The following CTNNA3 variants were observed in gnomAD, a reference collection of about 807,000 sequenced individuals.
The protein encoded by CTNNA3 is catenin alpha 3, also known as catenin alpha-3.
In CTNNA3, 76 loss-of-function variants were observed where a neutral mutation model predicts 95.7. The ratio of observed to expected loss-of-function variants is 0.79; its 90% CI spans 0.66 to 0.96. The LOEUF (loss-of-function observed/expected upper bound fraction) is 0.96, where lower values mean the gene tolerates loss of function less well. CTNNA3 is among the 40% of genes least tolerant of loss of function. The pLI, the probability that CTNNA3 is intolerant of heterozygous loss-of-function variation, is 0.00. For synonymous variants in CTNNA3, 431 were observed against 374.4 expected (o/e 1.15, Z -1.74); for missense variants, 1,191 against 1,089.8 (o/e 1.09, Z -1.31).
chr10:65,982,776 TA>T (rs1222768342), intron 16 of CTNNA3, among the ~76,000 whole-genome samples: 2 of 150,432 alleles, frequency 1.3e-5, no homozygotes, highest in South Asian at 2.1e-4. Flanking sequence ...AAAAAAAAAT[TA>T]AAAAATTTCT....
Position 67,521,090 on chromosome 10 carries a change from T to G in CTNNA3, c.579+752A>C, listed in dbSNP as rs182206726. Among the ~76,000 whole-genome samples the G allele has an allele frequency of 1.3e-3, 198 of 152,274 alleles. 1 individual carries two copies. Among genetic ancestry groups the G allele is most frequent in the African/African-American group, 4.4e-3 (182 of 41,566 alleles). On this transcript the variant is annotated intron_variant, in intron 5 of 17. Transcript: ENST00000433211. ...CTGGCTGTTCTGATCGGAATAAACC[T>G]TTGGTGGAAGTAAAAGCTTGACAAC...
intron 10 of CTNNA3, among the ~76,000 whole-genome samples, chr10:66,585,442 T>C (rs894962183): frequency 1.3e-5 from 2 of 151,974 alleles, no homozygotes; most frequent in Non-Finnish European, 2.9e-5. Flanking sequence ...AGCCTTGTTT[T>C]TGAGTTCTGA....
Position 67,202,558 on chromosome 10 carries a change from A to C in CTNNA3, c.843+17049T>G, listed in dbSNP as rs1047166122. Among the ~76,000 whole-genome samples, 3 of 152,262 alleles carry C rather than the reference A, an allele frequency of 2.0e-5. No individual in the cohort carries two copies. In the South Asian group the frequency reaches 6.2e-4, roughly 32 times the overall value. ...TTAAAGCTGGAATTCGCAAGACCAA[A>C]CTAATAAAAACTAATAAAAATTATG... On this transcript the variant is annotated intron_variant, in intron 6 of 17. Transcript: ENST00000433211.
At chr10:66,011,616 T>C (rs775657765) in intron 15 of CTNNA3, among the ~76,000 whole-genome samples, 3 of 152,182 alleles carry the variant, frequency 2.0e-5, no homozygotes, top group African/African-American at 4.8e-5. Flanking sequence ...GCATGCAAGA[T>C]TGTGCCTTGA....
At chr10:67,478,279 A>C (rs1030688444) in intron 5 of CTNNA3, among the ~76,000 whole-genome samples, 2 of 152,218 alleles carry the variant, frequency 1.3e-5, no homozygotes, top group Admixed American at 1.3e-4. Flanking sequence ...TACTTCAAGA[A>C]TATTTGCCTA....
intron 10 of CTNNA3, among the ~76,000 whole-genome samples, chr10:66,566,916 A>AAGAGAGGT (rs1170881823): frequency 1.3e-5 from 2 of 150,274 alleles, no homozygotes; most frequent in Non-Finnish European, 3.0e-5. Context: ...GGGAGAGAAA[A>AAGAGAGGT]AGAGAGGTGG....
rs192433177 is a variant in CTNNA3, at chr10:66,437,143, G to A, written c.1532-57791C>T. ...ACATTTTTTCCTTCATTTCAACCTT[G>A]GTGAATCTGACAATTATGTGTCTTG... is the stretch of plus-strand genomic sequence containing the variant. On this transcript the variant is annotated intron_variant, in intron 11 of 17. Coordinates refer to ENST00000433211, the MANE Select transcript of CTNNA3 (RefSeq NM_013266.4). Among the ~76,000 whole-genome samples the A allele has an allele frequency of 8.0e-4, 121 of 152,114 alleles. 1 individual carries two copies. The highest frequency in any genetic ancestry group is 2.5e-3 in the African/African-American group (103 of 41,492).
intron 10 of CTNNA3, among the ~76,000 whole-genome samples, chr10:66,598,155 C>CA (rs373299587): frequency 2.0e-5 from 3 of 151,162 alleles, no homozygotes; most frequent in Non-Finnish European, 4.4e-5. Context: ...AAATGAAGGA[C>CA]AAAAAAAATA....
At chr10:66,104,518 G>A (rs1051172654) in intron 13 of CTNNA3, among the ~76,000 whole-genome samples, 4 of 152,164 alleles carry the variant, frequency 2.6e-5, no homozygotes, top group Admixed American at 6.5e-5. Flanking sequence ...TGAATGTGAA[G>A]TCTGAGATTT....
At chr10:66,323,188 A>C (rs1026806540) in intron 12 of CTNNA3, among the ~76,000 whole-genome samples, 1 of 152,074 alleles carries the variant, frequency 6.6e-6, no homozygotes, top group African/African-American at 2.4e-5. Context: ...AACAGCAGTA[A>C]GAACAAAATA....
intron 2 of CTNNA3, 23 bp from the exon 3 acceptor site, chr10:67,607,072 T>C (rs762404775): frequency 1.3e-6 from 2 of 1,561,148 alleles, no homozygotes; most frequent in Non-Finnish European, 8.8e-7. Context: ...AAATACAAAG[T>C]ACTAAATTGA....
chr10:66,677,818 G>C (rs1053683985), intron 9 of CTNNA3, among the ~76,000 whole-genome samples: 12 of 152,134 alleles, frequency 7.9e-5, no homozygotes, highest in Middle Eastern at 3.2e-3. Context: ...TTAGCAGTGT[G>C]AGAATAGACT....
chr10:67,681,945 C>T (rs1840632963), intron 1 of CTNNA3, among the ~76,000 whole-genome samples: 1 of 151,818 alleles, frequency 6.6e-6, no homozygotes, highest in South Asian at 2.1e-4. Context: ...ATCACAAGGT[C>T]ACAAGATCAA....
intron 7 of CTNNA3, among the ~76,000 whole-genome samples, chr10:67,089,580 T>C (rs529241634): frequency 6.6e-6 from 1 of 152,128 alleles, no homozygotes; most frequent in East Asian, 1.9e-4. Flanking sequence ...CTCAGCAATA[T>C]GGACTCTTGC....
In CTNNA3 at chr10:67,366,234, G is replaced by A. The variant is rs531740168; in HGVS notation, c.580-146364C>T. 2.0e-5 allele frequency among the ~76,000 whole-genome samples: 3 copies of A among 152,254 alleles called. No homozygotes were observed. The East Asian group carries it at 5.8e-4, about 29-fold the overall frequency. ...GGGTTGGGGGGCTGAGGGAAGGACAGCATTAGGAGAAATGCCTAATGTAAA... is the reference window on the plus strand; with the variant it reads ...GGGTTGGGGGGCTGAGGGAAGGACAACATTAGGAGAAATGCCTAATGTAAA... On this transcript the variant is annotated intron_variant, in intron 5 of 17. Transcript: ENST00000433211.
chr10:66,381,493 C>T (rs529979493), intron 11 of CTNNA3, among the ~76,000 whole-genome samples: 37 of 152,146 alleles, frequency 2.4e-4, no homozygotes, highest in African/African-American at 8.2e-4. Context: ...TCTTATTCCT[C>T]GAGGTATTCT....
intron 13 of CTNNA3, among the ~76,000 whole-genome samples, chr10:66,106,337 TTG>T (rs201326026): frequency 0.062 from 8,964 of 145,358 alleles, 364 homozygotes; most frequent in African/African-American, 0.12. Flanking sequence ...GTGTGTGTGT[TTG>T]TGTGTGTGTG....
chr10:67,624,966 CTCTG>C (rs1843980269), intron 2 of CTNNA3, among the ~76,000 whole-genome samples: 1 of 152,026 alleles, frequency 6.6e-6, no homozygotes, highest in Non-Finnish European at 1.5e-5. Context: ...TTTCCTTTGT[CTCTG>C]TCTTTCTGTG....
At position 66,436,501 on chromosome 10, in the gene CTNNA3, C is replaced by CTT. The variant is rs34165061; in HGVS notation, c.1532-57151_1532-57150dup. On this transcript the variant is annotated intron_variant, in intron 11 of 17. Coordinates refer to ENST00000433211, the MANE Select transcript of CTNNA3 (RefSeq NM_013266.4). ...TCAGAGACTAGGACTACAATCCCTG[C>CTT]TTTTTTTTTTTTTTTTTTTTTTTTT... 7.3e-3 allele frequency among the ~76,000 whole-genome samples: 442 copies of CTT among 60,280 alleles called. 5 individuals carry two copies. Among genetic ancestry groups the CTT allele is most frequent in the Non-Finnish European group, 0.011 (349 of 31,210 alleles). The allele number at this position is 60,280 out of a possible 152,430, so 39.5% of individuals were successfully genotyped here. A position where few individuals can be genotyped will look rare whatever the true frequency, so the allele number is the denominator to read the frequency against.
Sources: gnomAD v4.1 joint callset for allele counts (sites outside exome capture counted in the v4.1 genomes callset) on GRCh38, gnomAD v4.1.1 for gene constraint, MANE v1.5 for transcripts, NCBI Gene and HGNC (gene_info 2026-07-23, HGNC 2026-07-21) for gene names.